ARHGEF3: variants seen among roughly 807,000 people sequenced by gnomAD.
ARHGEF3 encodes 59.8 kDA protein.
A neutral mutation model predicts 63.2 loss-of-function variants in ARHGEF3; 28 were observed. That is an observed-to-expected ratio of 0.44 (90% confidence interval 0.33 to 0.61). The LOEUF is 0.61. ARHGEF3 is among the 20% of genes least tolerant of loss of function. ARHGEF3 has a pLI of 0.03. For missense variants in ARHGEF3, 533 were observed against 659.3 expected, an observed-to-expected ratio of 0.81 and a Z score of 2.10; for synonymous variants, 266 against 254.2, an observed-to-expected ratio of 1.05 and a Z score of -0.44.
intron 2 of ARHGEF3, among the ~76,000 whole-genome samples, chr3:57,014,787 T>C (rs1236634167): frequency 1.3e-5 from 2 of 152,084 alleles, no homozygotes; most frequent in Non-Finnish European, 2.9e-5. Context: ...CTCAGGCCAT[T>C]GTCCTGCCTC....
At chr3:57,055,206 G>C (rs1704868183) in intron 1 of ARHGEF3, among the ~76,000 whole-genome samples, 1 of 141,874 alleles carries the variant, frequency 7.0e-6, no homozygotes, top group South Asian at 2.2e-4. Context: ...CTGTTGCCCA[G>C]ACTGGAGAGC....
At chr3:57,036,844 C>A (rs972368990) in intron 1 of ARHGEF3, among the ~76,000 whole-genome samples, 2 of 152,192 alleles carry the variant, frequency 1.3e-5, no homozygotes, top group African/African-American at 4.8e-5. Context: ...GAATCACAGG[C>A]CTGCTTGGCC....
intron 2 of ARHGEF3, among the ~76,000 whole-genome samples, chr3:57,013,383 T>C (rs1169288934): frequency 6.6e-6 from 1 of 152,246 alleles, no homozygotes; most frequent in Non-Finnish European, 1.5e-5. Context: ...GGATTGTATA[T>C]GCACCAATCA....
intron 8 of ARHGEF3, 69 bp downstream of exon 8, chr3:56,737,116 A>T (rs2033675194): frequency 7.1e-7 from 1 of 1,415,084 alleles, no homozygotes; most frequent in Non-Finnish European, 9.5e-7. Context: ...TTCTAAGAGG[A>T]GGCTCCACAC....
At chr3:57,072,064 A>G (rs1579221353) in intron 1 of ARHGEF3, among the ~76,000 whole-genome samples, 1 of 152,240 alleles carries the variant, frequency 6.6e-6, no homozygotes, top group Non-Finnish European at 1.5e-5. Context: ...CAAAGTCACA[A>G]TGAGATGCCA....
chr3:56,737,648 T>C (rs2033721753), intron 7 of ARHGEF3, among the ~76,000 whole-genome samples: 2 of 152,198 alleles, frequency 1.3e-5, no homozygotes, highest in African/African-American at 2.4e-5. Flanking sequence ...AGAATACCTA[T>C]TGAACTCCAG....
chr3:56,735,104 T>C (rs192635944), intron 8 of ARHGEF3, among the ~76,000 whole-genome samples: 90 of 152,196 alleles, frequency 5.9e-4, no homozygotes, highest in Non-Finnish European at 1.2e-3. Context: ...GCCAACATGG[T>C]GAAACCCCAT....
At chr3:56,886,284 G>C (rs919507650) in intron 3 of ARHGEF3, among the ~76,000 whole-genome samples, 3 of 152,204 alleles carry the variant, frequency 2.0e-5, no homozygotes, top group African/African-American at 7.2e-5. Context: ...TACACAGCCA[G>C]CTTCCCTTAA....
intron 4 of ARHGEF3, among the ~76,000 whole-genome samples, chr3:56,822,866 A>AAG (rs71072197): frequency 2.7e-5 from 4 of 149,858 alleles, no homozygotes; most frequent in African/African-American, 4.9e-5. Flanking sequence ...AAAAAAAAAA[A>AAG]TCACGGTGTA....
At chr3:57,042,079 T>C (rs1704209804) in intron 1 of ARHGEF3, among the ~76,000 whole-genome samples, 1 of 152,170 alleles carries the variant, frequency 6.6e-6, no homozygotes, top group Admixed American at 6.5e-5. Flanking sequence ...TGGGCCAGCT[T>C]AGCATTGTTT....
At chr3:56,864,808 T>C (rs1426871974) in intron 4 of ARHGEF3, among the ~76,000 whole-genome samples, 1 of 152,332 alleles carries the variant, frequency 6.6e-6, no homozygotes, top group East Asian at 1.9e-4. Flanking sequence ...AACATAGACC[T>C]TCCTCAGAGA....
intron 3 of ARHGEF3, among the ~76,000 whole-genome samples, chr3:56,911,620 C>T (rs1439035359): frequency 1.3e-5 from 2 of 152,096 alleles, no homozygotes; most frequent in African/African-American, 4.8e-5. Flanking sequence ...AATCAACTTC[C>T]CCTTCCATGG....
intron 4 of ARHGEF3, among the ~76,000 whole-genome samples, chr3:56,835,736 C>T (rs754583204): frequency 1.2e-4 from 19 of 152,076 alleles, no homozygotes; most frequent in Non-Finnish European, 1.8e-4. Flanking sequence ...CCTTTTCATA[C>T]GACACAGAAC....
At chr3:57,054,481 A>G (rs1475639847) in intron 1 of ARHGEF3, among the ~76,000 whole-genome samples, 1 of 150,470 alleles carries the variant, frequency 6.6e-6, no homozygotes, top group Non-Finnish European at 1.5e-5. Context: ...AATACGAAAA[A>G]AAAAAAAAAA....
rs551680525 is a variant in ARHGEF3 at position 56,983,984 on chromosome 3, C to T, written c.63-25095G>A. Among the ~76,000 whole-genome samples the T allele has an allele frequency of 2.8e-3, 399 of 143,354 alleles. 5 individuals carry two copies. The highest frequency in any genetic ancestry group is 8.0e-3 in the Middle Eastern group (2 of 250). 94.0% of individuals were successfully genotyped at this position (143,354 alleles called of 152,430 possible). On this transcript the variant is annotated intron_variant, in intron 2 of 12. Coordinates refer to the ARHGEF3 transcript ENST00000338458. ...TGGCTATCCCAGCTCAATAATTGAC[C>T]CTGCCACACTGTACAGTCCCTCAGT...
chr3:56,979,886 T>C (rs985341461), intron 2 of ARHGEF3, among the ~76,000 whole-genome samples: 38 of 152,180 alleles, frequency 2.5e-4, no homozygotes, highest in Non-Finnish European at 2.9e-5. Flanking sequence ...ATAGGAAGCA[T>C]CCTGTGCAGC....
chr3:57,007,103 C>T, intron 2 of ARHGEF3: 1 of 1,146,254 alleles, frequency 8.7e-7, no homozygotes, highest in Non-Finnish European at 1.1e-6. Flanking sequence ...TGAAACCCAG[C>T]AAGGTGTACA....
rs759458048 is a variant in ARHGEF3, at chr3:56,965,645, CTTTTTTT to C, written c.63-6763_63-6757del. On this transcript the variant is annotated intron_variant, in intron 2 of 12. Coordinates refer to the ARHGEF3 transcript ENST00000338458. Reference sequence around the variant, plus strand: ...GAAGTAGATTAAATGAAACTACATTCTTTTTTTTTTTTTTTTTTTTTGAAACGGAGTC... The same window carrying C: ...GAAGTAGATTAAATGAAACTACATTCTTTTTTTTTTTTTTGAAACGGAGTC... Among the ~76,000 whole-genome samples, 357 of 133,350 alleles carry C rather than the reference CTTTTTTT, an allele frequency of 2.7e-3. 2 individuals carry two copies. The highest frequency in any genetic ancestry group is 3.9e-3 in the Non-Finnish European group (245 of 62,804). 87.5% of individuals were successfully genotyped at this position (133,350 alleles called of 152,430 possible).
At chr3:56,743,966 T>G (rs762958973) in intron 7 of ARHGEF3, among the ~76,000 whole-genome samples, 2 of 151,880 alleles carry the variant, frequency 1.3e-5, no homozygotes, top group Non-Finnish European at 2.9e-5. Context: ...GGGATTTGAA[T>G]CCTGAATCCC....
Sources: allele counts gnomAD v4.1 joint callset (sites outside exome capture counted in the v4.1 genomes callset), GRCh38; gene constraint gnomAD v4.1.1; transcripts MANE v1.5; gene names NCBI Gene and HGNC (gene_info 2026-07-23, HGNC 2026-07-21).